The following EGLN3 variants were observed in gnomAD, a reference collection of about 807,000 sequenced individuals.
EGLN3 encodes egl-9 family hypoxia inducible factor 3.
A neutral mutation model predicts 26.0 loss-of-function variants in EGLN3; 15 were observed. The observed-to-expected ratio is 0.58, with a 90% confidence interval of 0.39 to 0.89. The LOEUF is 0.89. EGLN3 is among the 40% of genes least tolerant of loss of function. The probability of loss-of-function intolerance (pLI) is 0.00; values close to 1 mark genes in which losing one functional copy is unlikely to be tolerated. For missense variants in EGLN3, 238 were observed against 311.6 expected (o/e 0.76, Z 1.78); for synonymous variants, 147 against 127.2 (o/e 1.16, Z -1.05).
At position 33,950,332 on chromosome 14, in the gene EGLN3, A is replaced by G. The variant is rs185042276; in HGVS notation, c.357+64T>C. Reference sequence around the variant, plus strand: ...TACGGCCCTGGGAAGTCGACATACAACGGACTCCGAGTGCCTCCCGTCCCC... The same window carrying G: ...TACGGCCCTGGGAAGTCGACATACAGCGGACTCCGAGTGCCTCCCGTCCCC... On this transcript the variant is annotated intron_variant, in intron 1 of 4. Coordinates refer to ENST00000250457, the MANE Select transcript of EGLN3 (RefSeq NM_022073.4). 100 of 1,488,772 alleles carry G rather than the reference A, an allele frequency of 6.7e-5. No individual in the cohort carries two copies. The African/African-American group carries it at 1.3e-3, about 20-fold the overall frequency. 92.2% of individuals were successfully genotyped at this position (1,488,772 alleles called of 1,614,324 possible).
At chr14:33,933,818 G>A (rs967944256) in intron 1 of EGLN3, among the ~76,000 whole-genome samples, 2 of 152,076 alleles carry the variant, frequency 1.3e-5, no homozygotes, top group Non-Finnish European at 2.9e-5. Flanking sequence ...CAGTCCAACT[G>A]AGTTGCTATC....
At chr14:33,942,952 T>A (rs1036945062) in intron 1 of EGLN3, among the ~76,000 whole-genome samples, 1 of 152,130 alleles carries the variant, frequency 6.6e-6, no homozygotes. Flanking sequence ...CAATACAAGA[T>A]GTGAAAGCCT....
intron 1 of EGLN3, among the ~76,000 whole-genome samples, chr14:33,936,612 A>G (rs2138818524): frequency 6.6e-6 from 1 of 152,180 alleles, no homozygotes; most frequent in Non-Finnish European, 1.5e-5. Context: ...AATTCATCTG[A>G]GGGAGGGGAA....
chr14:33,938,622 G>C (rs2064458940), intron 1 of EGLN3, among the ~76,000 whole-genome samples: 1 of 152,196 alleles, frequency 6.6e-6, no homozygotes, highest in Non-Finnish European at 1.5e-5. Context: ...GTTTTCAACC[G>C]GGCTTCCTCA....
In EGLN3 at chr14:33,950,508, C is replaced by G. The variant is rs1224386186; in HGVS notation, c.245G>C (p.Gly82Ala). The change falls in exon 1 of 5, where the codon GGG (glycine) becomes GCG (alanine). Residue 82 changes from glycine to alanine, a missense_variant. Coordinates refer to ENST00000250457, the MANE Select transcript of EGLN3 (RefSeq NM_022073.4). ...GGCCTCGCAGCCCTCCTCGTTGCCC[C>G]CGATCCACGTGATCTGGTCGCCCCG... ...HLRGDQITWI[G>A]GNEEGCEAIS... 5.6e-6 allele frequency: 9 copies of G among 1,613,550 alleles called. No individual in the cohort carries two copies. The highest frequency in any genetic ancestry group is 7.6e-6 in the Non-Finnish European group (9 of 1,180,054).
chr14:33,928,128 G>A (rs1220833885), intron 3 of EGLN3, among the ~76,000 whole-genome samples: 1 of 152,032 alleles, frequency 6.6e-6, no homozygotes, highest in Non-Finnish European at 1.5e-5. Context: ...AAACAACAGG[G>A]TTTAGTTACA....
intron 1 of EGLN3, 175 bp from the exon 2 acceptor site, chr14:33,931,390 T>C (rs1443941576): frequency 7.3e-6 from 6 of 817,576 alleles, no homozygotes; most frequent in Non-Finnish European, 1.1e-5. Context: ...CTGTGCACAA[T>C]GGCCAGGTCA....
chr14:33,935,764 A>G (rs1311427814), intron 1 of EGLN3, among the ~76,000 whole-genome samples: 2 of 152,066 alleles, frequency 1.3e-5, no homozygotes, highest in Non-Finnish European at 2.9e-5. Flanking sequence ...CATCCTATCC[A>G]AAGACAATGC....
chr14:33,943,961 A>C (rs2064500304), intron 1 of EGLN3, among the ~76,000 whole-genome samples: 1 of 152,222 alleles, frequency 6.6e-6, no homozygotes, highest in Non-Finnish European at 1.5e-5. Context: ...ATGCAGAGAC[A>C]GGCTTGCATA....
At chr14:33,942,441 G>A (rs926182809) in intron 1 of EGLN3, among the ~76,000 whole-genome samples, 2 of 152,126 alleles carry the variant, frequency 1.3e-5, no homozygotes, top group African/African-American at 4.8e-5. Flanking sequence ...GGTTTTGTTG[G>A]CCTGGCCTGG....
intron 4 of EGLN3, among the ~76,000 whole-genome samples, chr14:33,926,732 T>C (rs1396456373): frequency 6.6e-6 from 1 of 152,218 alleles, no homozygotes. Context: ...CCATCTATCA[T>C]AAACCATCAT....
chr14:33,936,324 T>C (rs930550133), intron 1 of EGLN3, among the ~76,000 whole-genome samples: 2 of 152,178 alleles, frequency 1.3e-5, no homozygotes, highest in Admixed American at 6.5e-5. Flanking sequence ...CTCATCACAA[T>C]GTAGACTGTG....
chr14:33,929,320 A>C, intron 2 of EGLN3, 108 bp from the exon 3 acceptor site: 1 of 1,342,788 alleles, frequency 7.4e-7, no homozygotes, highest in African/African-American at 1.5e-5. Context: ...ACCACTCCAA[A>C]TGCATGGTAC....
At chr14:33,936,751 A>G (rs953730305) in intron 1 of EGLN3, among the ~76,000 whole-genome samples, 3 of 146,614 alleles carry the variant, frequency 2.0e-5, no homozygotes, top group African/African-American at 7.4e-5. Flanking sequence ...ATGCAGGCAT[A>G]CTGGAGGAAA....
intron 1 of EGLN3, chr14:33,949,315 C>T (rs187963659): frequency 2.4e-4 from 36 of 152,300 alleles, no homozygotes; most frequent in African/African-American, 8.7e-4. Flanking sequence ...TGTTCTGAGA[C>T]AGGATCAGTC....
At chr14:33,926,110 T>C (rs2064360808) in intron 4 of EGLN3, among the ~76,000 whole-genome samples, 188 bp from the exon 5 acceptor site, 1 of 152,210 alleles carries the variant, frequency 6.6e-6, no homozygotes, top group East Asian at 1.9e-4. Flanking sequence ...TCACAGACTG[T>C]GGAGGAACTT....
chr14:33,950,696 G>GATGT lies in EGLN3; in HGVS notation c.53_56dup (p.Val20HisfsTer101). The GATGT allele has an allele frequency of 6.2e-7, 1 of 1,614,018 alleles. No homozygotes were observed. Among genetic ancestry groups the GATGT allele is most frequent in the Non-Finnish European group, 8.5e-7 (1 of 1,179,962 alleles). Reference sequence around the variant, plus strand: ...AGCCCACCTCGTGCAGACAGGGCACGATGTACTCCAGGGCAATTTTCTCCA... The same window carrying GATGT: ...AGCCCACCTCGTGCAGACAGGGCACGATGTATGTACTCCAGGGCAATTTTCTCCA... On this transcript the variant is annotated frameshift_variant, in exon 1 of 5. Coordinates refer to ENST00000250457, the MANE Select transcript of EGLN3 (RefSeq NM_022073.4). LOFTEE classifies it high-confidence loss of function.
intron 1 of EGLN3, among the ~76,000 whole-genome samples, chr14:33,945,794 A>C (rs1012914576): frequency 7.2e-5 from 11 of 152,162 alleles, no homozygotes; most frequent in African/African-American, 2.7e-4. Flanking sequence ...TTTTCCCTTA[A>C]AGTAGTTTGC....
rs115355811 is a variant in EGLN3 at position 33,944,801 on chromosome 14, A to G, written c.357+5595T>C. 9.1e-3 allele frequency among the ~76,000 whole-genome samples: 1,388 copies of G among 152,348 alleles called. 22 individuals carry two copies. The highest frequency in any genetic ancestry group is 0.032 in the African/African-American group (1,347 of 41,600). On this transcript the variant is annotated intron_variant, in intron 1 of 4. Transcript: ENST00000250457. ...GCACTTCCCTTCCCCATCCACGGAC[A>G]GGTCTCCCACAGTGTGCAGCACTGA... is the stretch of plus-strand genomic sequence containing the variant.
Sources: gnomAD v4.1 joint callset for allele counts (sites outside exome capture counted in the v4.1 genomes callset) on GRCh38, gnomAD v4.1.1 for gene constraint, MANE v1.5 for transcripts, NCBI Gene and HGNC (gene_info 2026-07-23, HGNC 2026-07-21) for gene names.